Variants in NBPF12 observed in about 807,000 individuals in gnomAD.
NBPF12 encodes NBPF family member NBPF12.
Under a neutral mutation model 146.4 loss-of-function variants are expected in NBPF12, and 115 were observed. That is an observed-to-expected ratio of 0.79 (90% confidence interval 0.68 to 0.92). The LOEUF is 0.92. NBPF12 is among the 40% of genes least tolerant of loss of function. The pLI, the probability that NBPF12 is intolerant of heterozygous loss-of-function variation, is 0.00. For synonymous variants in NBPF12, 385 were observed against 508.9 expected, an observed-to-expected ratio of 0.76 and a Z score of 3.28; for missense variants, 1,205 against 1,326.8, an observed-to-expected ratio of 0.91 and a Z score of 1.43.
chr1:146,986,075 T>C (rs1657737734), intron 23 of NBPF12, among the ~76,000 whole-genome samples: 1 of 151,940 alleles, frequency 6.6e-6, no homozygotes, highest in African/African-American at 2.4e-5. Flanking sequence ...GGGCACTAAA[T>C]CAGAGTGTCC....
At position 146,971,349 on chromosome 1, in the gene NBPF12, G is replaced by A. The variant is rs1553886427; in HGVS notation, c.1546G>A (p.Glu516Lys). 6,892 of 1,611,004 alleles carry A rather than the reference G, an allele frequency of 4.3e-3. 359 individuals are homozygous for A. The African/African-American group carries it at 0.067, about 16-fold the overall frequency. ...CAACTCATCTCTGGTTGTAGACAGA[G>A]AATCCTCTCATGATGAATGTCAGGA... Residue 516 changes from glutamate (E) to lysine (K), a missense_variant, in exon 13 of 34, where the codon GAA becomes AAA. Physicochemically the swap from Glu to Lys is moderately conservative, Grantham distance 56. Transcript: ENST00000617844.
chr1:146,964,783 T>C, intron 7 of NBPF12, 110 bp from the exon 11 acceptor site: 12 of 1,579,692 alleles, frequency 7.6e-6, no homozygotes, highest in Non-Finnish European at 8.7e-6. Context: ...TCCATTTTGC[T>C]TTCTGGGACC....
At chr1:146,969,039 A>G (rs1237852187) in intron 10 of NBPF12, among the ~76,000 whole-genome samples, 12 of 151,634 alleles carry the variant, frequency 7.9e-5, no homozygotes, top group Admixed American at 7.9e-4. Context: ...AGTGGCCGCA[A>G]GATGCACTAT....
chr1:146,941,060 T>C (rs2474001), intron 1 of NBPF12, among the ~76,000 whole-genome samples: 7 of 152,156 alleles, frequency 4.6e-5, no homozygotes, highest in African/African-American at 1.4e-4. Context: ...CTTTTAATGA[T>C]GTTTTTTCAT....
chr1:146,962,606 C>T (rs1263658254), intron 5 of NBPF12, among the ~76,000 whole-genome samples: 2 of 151,564 alleles, frequency 1.3e-5, no homozygotes, highest in East Asian at 3.9e-4. Context: ...TGAGAATCAC[C>T]TTCTGACTGA....
Position 146,970,679 on chromosome 1 carries a change from G to C in NBPF12, c.1339G>C (p.Val447Leu), listed in dbSNP as rs1187347402. Residue 447 changes from valine (V) to leucine (L), a missense_variant, in exon 12 of 34, where the codon GTT becomes CTT. Physicochemically the swap from Val to Leu is conservative, Grantham distance 32 (BLOSUM62 1). Transcript: ENST00000617844. ...TGAAGATGAGGATGAAGATGTTCAAGTTGAGGAGGATGAGAAAGTGCTGGA... is the reference window on the plus strand; with the variant it reads ...TGAAGATGAGGATGAAGATGTTCAACTTGAGGAGGATGAGAAAGTGCTGGA... 29 of 1,457,924 alleles carry C rather than the reference G, an allele frequency of 2.0e-5. 1 individual carries two copies. The Admixed American group carries it at 4.4e-4, about 22-fold the overall frequency. The allele number at this position is 1,457,924 out of a possible 1,614,324, so 90.3% of individuals were successfully genotyped here.
At chr1:146,976,585 ACT>A (rs1657044360) in intron 16 of NBPF12, among the ~76,000 whole-genome samples, 1 of 147,088 alleles carries the variant, frequency 6.8e-6, no homozygotes, top group Non-Finnish European at 1.5e-5. Flanking sequence ...TGAAATGCAA[ACT>A]GTGACAGGAC....
chr1:146,975,222 C>G (rs1656906762), intron 15 of NBPF12, among the ~76,000 whole-genome samples: 1 of 137,332 alleles, frequency 7.3e-6, no homozygotes. Context: ...TTCTTTCACT[C>G]AATCAATGTT....
rs587630954 is a variant in NBPF12 at position 146,994,313 on chromosome 1, G to A, written c.4131-19G>A. On this transcript the variant is annotated intron_variant, in intron 33 of 33. Coordinates refer to ENST00000617844, the Ensembl canonical transcript of NBPF12. Reference sequence around the variant, plus strand: ...CTGACTTTCCCTGGCTGCTTCTTTAGTTTTGTCTCCTTTTCCAGGCTCAAC... The same window carrying A: ...CTGACTTTCCCTGGCTGCTTCTTTAATTTTGTCTCCTTTTCCAGGCTCAAC... 2 of 1,611,414 alleles carry A rather than the reference G, an allele frequency of 1.2e-6. No individual in the cohort carries two copies. The highest frequency in any genetic ancestry group is 1.7e-5 in the Admixed American group (1 of 59,984).
chr1:146,946,211 C>G (rs1365626463), upstream of NBPF12, among the ~76,000 whole-genome samples: 1 of 151,396 alleles, frequency 6.6e-6, no homozygotes, highest in Non-Finnish European at 1.5e-5. Context: ...TTGGGTACTT[C>G]CAAGTTTTGA....
chr1:146,962,263 G>A (rs1391514594), exon 5 of NBPF12: 7 of 1,603,338 alleles, frequency 4.4e-6, no homozygotes, highest in African/African-American at 4.0e-5. Context: ...GAGGAGCTCA[G>A]GTGAGGGGAC....
chr1:146,965,560 A>G lies in NBPF12; in HGVS notation c.778+456A>G, dbSNP rs1428532750. Among the ~76,000 whole-genome samples the G allele has an allele frequency of 5.6e-3, 845 of 150,126 alleles. 8 individuals carry two copies. The highest frequency in any genetic ancestry group is 0.02 in the African/African-American group (797 of 40,206). ...CACTTTGGGAGGCCGAGGCGGGTGG[A>G]TCACGAGGTCAGGAGATTGAGACCA... On this transcript the variant is annotated intron_variant, in intron 8 of 33. Transcript: ENST00000617844.
upstream of NBPF12, among the ~76,000 whole-genome samples, chr1:146,949,047 A>G (rs1273441901): frequency 2.0e-5 from 3 of 151,914 alleles, no homozygotes; most frequent in Non-Finnish European, 4.4e-5. Flanking sequence ...TCTTCTCTCC[A>G]CTATTATCCT....
rs1350131503 is a variant in NBPF12 at position 146,970,504 on chromosome 1, G to A, written c.1307-143G>A. 3 of 1,163,276 alleles carry A rather than the reference G, an allele frequency of 2.6e-6. No homozygotes were observed. In the Admixed American group the frequency reaches 5.6e-5, roughly 22 times the overall value. 72.1% of individuals were successfully genotyped at this position (1,163,276 alleles called of 1,614,324 possible). On this transcript the variant is annotated intron_variant, in intron 11 of 33. Coordinates refer to ENST00000617844, the Ensembl canonical transcript of NBPF12. ...TGATGGACCAGGAAACCATGCCAGG[G>A]CATTTTGTGAAAGATAAAACATGAG...
Position 146,962,280 on chromosome 1 carries a change from G to C in NBPF12, c.278+17G>C, listed in dbSNP as rs1268531609. 8.2e-6 allele frequency: 13 copies of C among 1,594,986 alleles called. No homozygotes were observed. The highest frequency in any genetic ancestry group is 5.0e-5 in the Admixed American group (3 of 59,992). On this transcript the variant is annotated intron_variant, in intron 5 of 33. Coordinates refer to ENST00000617844, the Ensembl canonical transcript of NBPF12. ...GGAGCTCAGGTGAGGGGACCCCATG[G>C]GGGGAGGCAGGCGGGTAGGTGTGTA...
chr1:146,995,717 G>A (rs1376295455), exon 34 of NBPF12: 1 of 150,274 alleles, frequency 6.7e-6, no homozygotes, highest in East Asian at 2.0e-4. Flanking sequence ...CCATCTGCGG[G>A]CAGAGAAGGT....
At position 146,960,328 on chromosome 1, in the gene NBPF12, A is replaced by C. The variant is rs1231226504; in HGVS notation, c.175+10A>C. 5.4e-5 allele frequency: 77 copies of C among 1,429,236 alleles called. No homozygotes were observed. In the African/African-American group the frequency reaches 8.6e-4, roughly 16 times the overall value. 88.5% of individuals were successfully genotyped at this position (1,429,236 alleles called of 1,614,324 possible). On this transcript the variant is annotated intron_variant, in intron 4 of 33. Transcript: ENST00000617844. ...CGACAGAAGAAATACAGTAAGATCT[A>C]TAGGCTCACCATCATGAAAGTGATG...
chr1:146,949,963 TC>T, intron 1 of NBPF12, among the ~76,000 whole-genome samples: 1 of 152,072 alleles, frequency 6.6e-6, no homozygotes, highest in East Asian at 1.9e-4. Flanking sequence ...TGTGATTAGA[TC>T]CAGTTCATGC....
At chr1:146,965,970 G>A (rs1656177024) in intron 8 of NBPF12, among the ~76,000 whole-genome samples, 3 of 151,414 alleles carry the variant, frequency 2.0e-5, no homozygotes, top group African/African-American at 7.3e-5. Context: ...TAGCTGTCAT[G>A]TTACTTGGCG....
Sources: gnomAD v4.1 joint callset for allele counts (sites outside exome capture counted in the v4.1 genomes callset) on GRCh38, gnomAD v4.1.1 for gene constraint, MANE v1.5 for transcripts, NCBI Gene and HGNC (gene_info 2026-07-23, HGNC 2026-07-21) for gene names.